The following SLC22A3 variants were observed in gnomAD, a reference collection of about 807,000 sequenced individuals.
SLC22A3 encodes EMT organic cation transporter 3.
A neutral mutation model predicts 59.1 loss-of-function variants in SLC22A3; 51 were observed. The ratio of observed to expected loss-of-function variants is 0.86; its 90% CI spans 0.69 to 1.09. The LOEUF is 1.09. SLC22A3 is among the 50% of genes least tolerant of loss of function. The pLI is 0.00. For missense variants in SLC22A3, 711 were observed against 726.3 expected (o/e 0.98, Z 0.24); for synonymous variants, 325 against 292.0 (o/e 1.11, Z -1.15).
intron 10 of SLC22A3, 134 bp from the exon 11 acceptor site, chr6:160,450,862 T>G: frequency 2.4e-6 from 2 of 829,236 alleles, no homozygotes; most frequent in South Asian, 1.5e-5. Flanking sequence ...GAGACAGATA[T>G]TGTTGTTACC....
intron 1 of SLC22A3, among the ~76,000 whole-genome samples, chr6:160,391,728 A>G (rs1786265861): frequency 6.6e-6 from 1 of 152,238 alleles, no homozygotes; most frequent in African/African-American, 2.4e-5. Flanking sequence ...AGCCTTCACT[A>G]CAAAGAAATA....
At position 160,415,269 on chromosome 6, in the gene SLC22A3, C is replaced by A. The variant is rs1173479707; in HGVS notation, c.975+4423C>A. ...AAAGGTCCTTATGTCCCCACAAGCA[C>A]CATCCTGAGCAGAAAACCTCTTCGT... On this transcript the variant is annotated intron_variant, in intron 5 of 10. Transcript: ENST00000275300. This position sits in a 1 kb window ranked among gnomAD's most constrained non-coding sequence, Gnocchi z 4.1. Among the ~76,000 whole-genome samples the A allele has an allele frequency of 6.6e-6, 1 of 152,160 alleles. No homozygotes were observed. The highest frequency in any genetic ancestry group is 1.5e-5 in the Non-Finnish European group (1 of 68,022).
Position 160,443,671 on chromosome 6 carries a change from G to A in SLC22A3, c.1439G>A (p.Gly480Glu). 1 of 1,613,916 alleles carries A rather than the reference G, an allele frequency of 6.2e-7. No individual in the cohort carries two copies. The highest frequency in any genetic ancestry group is 8.5e-7 in the Non-Finnish European group (1 of 1,179,906). The change falls in exon 9 of 11, where the codon GGG becomes GAG. Residue 480 changes from glycine (G) to glutamate (E), a missense_variant. Gly to Glu is a moderately conservative substitution (Grantham distance 98). Transcript: ENST00000275300. ...CTCTGTTCAGGTCTGTGTGATTTTGGGGGAATCATAGCCCCATTTCTGCTC... is the reference window on the plus strand; with the variant it reads ...CTCTGTTCAGGTCTGTGTGATTTTGAGGGAATCATAGCCCCATTTCTGCTC... ...VSLCSGLCDF[G>E]GIIAPFLLFR... is the part of the protein sequence containing the mutation.
At chr6:160,379,489 G>T (rs1203682060) in intron 1 of SLC22A3, among the ~76,000 whole-genome samples, 1 of 152,284 alleles carries the variant, frequency 6.6e-6, no homozygotes, top group Non-Finnish European at 1.5e-5. Context: ...TTCCTGATGG[G>T]TTAATTTAGT....
At chr6:160,366,794 G>A (rs759689217) in intron 1 of SLC22A3, among the ~76,000 whole-genome samples, 1 of 152,130 alleles carries the variant, frequency 6.6e-6, no homozygotes, top group Non-Finnish European at 1.5e-5. Context: ...AGCTGCCAAT[G>A]CTTAGGGCTG....
rs372611892 is a variant in SLC22A3 at position 160,407,093 on chromosome 6, G to T, written c.586G>T (p.Gly196Trp). Residue 196 changes from glycine to tryptophan, a missense_variant, in exon 3 of 11, where the codon GGG becomes TGG. By Grantham distance (184) the Gly-to-Trp change is radical. Transcript: ENST00000275300. ...LLSCLGVGVT[G>W]VVVAFAPNFP... ...ATCCTGCCTTGGTGTTGGCGTCACT[G>T]GGGTTGTGGTGGCCTTTGCACCAAA... is the stretch of plus-strand genomic sequence containing the variant. The T allele has an allele frequency of 1.2e-6, 2 of 1,612,518 alleles. No homozygotes were observed. Among genetic ancestry groups the T allele is most frequent in the African/African-American group, 2.7e-5 (2 of 74,824 alleles).
At chr6:160,393,364 G>A (rs1562482034) in intron 1 of SLC22A3, among the ~76,000 whole-genome samples, 1 of 151,734 alleles carries the variant, frequency 6.6e-6, no homozygotes. Flanking sequence ...ATGTATACAT[G>A]TGCCATGTTG....
At chr6:160,428,960 A>G (rs1402356491) in intron 5 of SLC22A3, among the ~76,000 whole-genome samples, 5 of 152,288 alleles carry the variant, frequency 3.3e-5, no homozygotes, top group Non-Finnish European at 1.5e-5. Flanking sequence ...GTAATGTGAC[A>G]TGCTTACTCC....
intron 1 of SLC22A3, among the ~76,000 whole-genome samples, chr6:160,358,370 A>G (rs527322165): frequency 6.6e-6 from 1 of 152,358 alleles, no homozygotes; most frequent in East Asian, 1.9e-4. Flanking sequence ...TGCTGACAAC[A>G]GATACTGAGA....
chr6:160,450,858 G>T, intron 10 of SLC22A3, 138 bp from the exon 11 acceptor site: 1 of 812,820 alleles, frequency 1.2e-6, no homozygotes. Context: ...CCTGGAGACA[G>T]ATATTGTTGT....
chr6:160,372,626 G>C lies in SLC22A3; in HGVS notation c.429+23778G>C, dbSNP rs766324342. Among the ~76,000 whole-genome samples, 70 of 152,088 alleles carry C rather than the reference G, an allele frequency of 4.6e-4. 2 individuals are homozygous for C. Among genetic ancestry groups the C allele is most frequent in the Admixed American group, 7.9e-4 (12 of 15,274 alleles). On this transcript the variant is annotated intron_variant, in intron 1 of 10. Coordinates refer to ENST00000275300, the MANE Select transcript of SLC22A3 (RefSeq NM_021977.4). ...GATCCATTCTACCCATCACTTTCAGGTACACCAATCAAACGTAGGTTTGGC... is the reference window on the plus strand; with the variant it reads ...GATCCATTCTACCCATCACTTTCAGCTACACCAATCAAACGTAGGTTTGGC...
chr6:160,359,554 C>CA (rs760485770), intron 1 of SLC22A3, among the ~76,000 whole-genome samples: 1 of 151,996 alleles, frequency 6.6e-6, no homozygotes, highest in Non-Finnish European at 1.5e-5. Context: ...AGGGAAATAT[C>CA]AAAAAAGACA....
intron 1 of SLC22A3, among the ~76,000 whole-genome samples, chr6:160,373,397 A>G (rs35351535): frequency 0.027 from 4,083 of 152,182 alleles, 106 homozygotes; most frequent in Non-Finnish European, 0.039. Flanking sequence ...TCAGAGGGGC[A>G]CTCACCAGAT....
intron 1 of SLC22A3, among the ~76,000 whole-genome samples, chr6:160,377,296 C>A (rs1785631578): frequency 6.6e-6 from 1 of 151,950 alleles, no homozygotes; most frequent in Non-Finnish European, 1.5e-5. Context: ...ACCAGCCTGG[C>A]CAATATAGTG....
At chr6:160,380,585 A>G (rs977427109) in intron 1 of SLC22A3, among the ~76,000 whole-genome samples, 3 of 152,212 alleles carry the variant, frequency 2.0e-5, no homozygotes, top group African/African-American at 7.2e-5. Flanking sequence ...AAGGTCTAGA[A>G]AAATATGCAT....
intron 5 of SLC22A3, among the ~76,000 whole-genome samples, chr6:160,433,410 T>C (rs1295847883): frequency 6.6e-6 from 1 of 152,182 alleles, no homozygotes; most frequent in African/African-American, 2.4e-5. Context: ...AGGCTGGGCA[T>C]GATGGCTAAT....
At position 160,451,153 on chromosome 6, in the gene SLC22A3, T is replaced by C; in HGVS notation, c.*97T>C. 9.2e-7 allele frequency: 1 copy of C among 1,081,608 alleles called. No individual in the cohort carries two copies. The highest frequency in any genetic ancestry group is 1.4e-6 in the Non-Finnish European group (1 of 718,224). The allele number at this position is 1,081,608 out of a possible 1,614,324, so 67.0% of individuals were successfully genotyped here. A position where few individuals can be genotyped will look rare whatever the true frequency, so the allele number is the denominator to read the frequency against. ...GATGCACGTGTGCATTTCAGCTACA[T>C]CATGCCGCGCTGTTGTAATACTGTA... On this transcript the variant is annotated 3_prime_UTR_variant, in exon 11 of 11. Transcript: ENST00000275300.
chr6:160,450,120 G>T (rs1338190922), intron 10 of SLC22A3, among the ~76,000 whole-genome samples: 1 of 152,198 alleles, frequency 6.6e-6, no homozygotes, highest in African/African-American at 2.4e-5. Flanking sequence ...AATTTACCAG[G>T]GCGGGGTTTC....
In SLC22A3 at chr6:160,398,037, T is replaced by C. The variant is rs1233801025; in HGVS notation, c.488T>C (p.Leu163Pro). ...GACCTCACCCAAGCCATCCTGAACC[T>C]CGGCTTCCTGACTGGAGCATTCACC... Reference protein sequence around the residue: ...MLDLTQAILNLGFLTGAFTLG... With the variant: ...MLDLTQAILNPGFLTGAFTLG... The change falls in exon 2 of 11, where the codon CTC (leucine) becomes CCC (proline). Residue 163 changes from leucine to proline, a missense_variant. Coordinates refer to ENST00000275300, the MANE Select transcript of SLC22A3 (RefSeq NM_021977.4). 7 of 1,613,742 alleles carry C rather than the reference T, an allele frequency of 4.3e-6. No homozygotes were observed. The highest frequency in any genetic ancestry group is 5.9e-6 in the Non-Finnish European group (7 of 1,179,794).
Sources: gnomAD v4.1 joint callset for allele counts (sites outside exome capture counted in the v4.1 genomes callset) on GRCh38, gnomAD v4.1.1 for gene constraint, Gnocchi (gnomAD v3.1) non-coding constraint, MANE v1.5 for transcripts, NCBI Gene and HGNC (gene_info 2026-07-23, HGNC 2026-07-21) for gene names.